The following AKAP13 variants were observed in gnomAD, a reference collection of about 807,000 sequenced individuals.
AKAP13 encodes the protein A-kinase anchoring protein 13.
A neutral mutation model predicts 264.5 loss-of-function variants in AKAP13; 80 were observed. That is an observed-to-expected ratio of 0.30 (90% CI 0.25 to 0.36). The LOEUF is 0.36. AKAP13 is among the 10% of genes least tolerant of loss of function. AKAP13 has a pLI of 1.00. For missense variants in AKAP13, 3,712 were observed against 3,435.2 expected (o/e 1.08, Z -2.01); for synonymous variants, 1,380 against 1,250.2 (o/e 1.10, Z -2.19).
At chr15:85,553,390 A>G (rs2078033310) in intron 5 of AKAP13, among the ~76,000 whole-genome samples, 1 of 152,146 alleles carries the variant, frequency 6.6e-6, no homozygotes, top group East Asian at 1.9e-4. Context: ...GCCTGGCCTA[A>G]CATCTGTAAT....
chr15:85,707,977 G>A (rs2086406246), intron 17 of AKAP13, 42 bp from the exon 18 acceptor site: 1 of 1,604,930 alleles, frequency 6.2e-7, no homozygotes, highest in Non-Finnish European at 8.5e-7. Flanking sequence ...TCTGGGATCT[G>A]TTTGCTTTGT....
At chr15:85,420,973 T>C (rs923944706) in intron 1 of AKAP13, among the ~76,000 whole-genome samples, 36 of 152,152 alleles carry the variant, frequency 2.4e-4, no homozygotes, top group African/African-American at 8.4e-4. Flanking sequence ...TTCCTAGTTA[T>C]AGATTAGGAC....
chr15:85,736,912 CTTTTTTTTT>C (rs11407996), intron 33 of AKAP13, among the ~76,000 whole-genome samples: 1 of 98,044 alleles, frequency 1.0e-5, no homozygotes, highest in Non-Finnish European at 1.9e-5. Context: ...ATATCATCAT[CTTTTTTTTT>C]TTTTTTTTTT....
chr15:85,431,713 C>T (rs1183773305), intron 1 of AKAP13, among the ~76,000 whole-genome samples: 2 of 152,042 alleles, frequency 1.3e-5, no homozygotes, highest in Admixed American at 1.3e-4. Flanking sequence ...AAGTAAAAAT[C>T]CTAAATTCTG....
chr15:85,720,644 AT>A (rs1213931384), intron 23 of AKAP13, among the ~76,000 whole-genome samples: 1 of 152,188 alleles, frequency 6.6e-6, no homozygotes, highest in Non-Finnish European at 1.5e-5. Flanking sequence ...AAAGATGCAA[AT>A]TCCCCAAAGA....
Position 85,579,941 on chromosome 15 carries a change from C to T in AKAP13, c.1873C>T (p.Leu625=). The change falls in exon 7 of 37, where the codon CTG becomes TTG. Residue 625 remains leucine, a synonymous_variant. Coordinates refer to ENST00000394518, the MANE Select transcript of AKAP13 (RefSeq NM_007200.5). ...MSPSDLALLG[L]EEDVMPHQNS... is the part of the protein sequence containing the mutation. The stretch of plus-strand genomic sequence containing the variant: ...ACCCTCAGATTTAGCCCTTCTTGGG[C>T]TGGAAGAAGATGTAATGCCACACCA... The T allele has an allele frequency of 6.2e-7, 1 of 1,614,164 alleles. No homozygotes were observed. The highest frequency in any genetic ancestry group is 8.5e-7 in the Non-Finnish European group (1 of 1,180,010).
At chr15:85,658,064 C>A (rs2083180954) in intron 11 of AKAP13, among the ~76,000 whole-genome samples, 1 of 152,060 alleles carries the variant, frequency 6.6e-6, no homozygotes, top group South Asian at 2.1e-4. Flanking sequence ...TCTTTTCATC[C>A]TGCATAATGT....
chr15:85,643,030 A>C lies in AKAP13; in HGVS notation c.4238-2788A>C, dbSNP rs1293469601. Among the ~76,000 whole-genome samples, 3 of 127,870 alleles carry C rather than the reference A, an allele frequency of 2.3e-5. No individual in the cohort carries two copies. The East Asian group carries it at 8.3e-4, about 35-fold the overall frequency. The allele number at this position is 127,870 out of a possible 152,430, so 83.9% of individuals were successfully genotyped here. On this transcript the variant is annotated intron_variant, in intron 9 of 36. Coordinates refer to ENST00000394518, the MANE Select transcript of AKAP13 (RefSeq NM_007200.5). ...TACTCTAGGAAACGTGAAAAAAAAA[A>C]AACCTCCAGAATACCCATAGTTTCC...
At chr15:85,575,950 C>T (rs1026724) in intron 6 of AKAP13, among the ~76,000 whole-genome samples, 93,636 of 152,100 alleles carry the variant, frequency 0.62, 28,996 homozygotes, top group Middle Eastern at 0.72. Context: ...GACACCACTG[C>T]ACTCCTGCCG....
chr15:85,508,142 A>ATT (rs79249227), intron 2 of AKAP13, among the ~76,000 whole-genome samples: 164 of 137,958 alleles, frequency 1.2e-3, no homozygotes, highest in African/African-American at 4.0e-3. Flanking sequence ...ACTTTGTGTA[A>ATT]TTTTTTTTTT....
Position 85,392,460 on chromosome 15 carries a change from G to A in AKAP13, c.-12+11662G>A, listed in dbSNP as rs192549188. Among the ~76,000 whole-genome samples, 24 of 151,804 alleles carry A rather than the reference G, an allele frequency of 1.6e-4. No individual in the cohort carries two copies. In the South Asian group the frequency reaches 2.1e-3, roughly 13 times the overall value. On this transcript the variant is annotated intron_variant, in intron 1 of 36. Coordinates refer to ENST00000394518, the MANE Select transcript of AKAP13 (RefSeq NM_007200.5). The stretch of plus-strand genomic sequence containing the variant: ...AGTAGAGACAGGGTTTCACCATGTT[G>A]GCCAGTATGGTCTTGATCTCCTGAC...
At chr15:85,729,947 AAAAAACAAAAAC>A (rs898256752) in intron 29 of AKAP13, among the ~76,000 whole-genome samples, 2 of 151,564 alleles carry the variant, frequency 1.3e-5, no homozygotes, top group African/African-American at 4.8e-5. Context: ...TTTCCGTCTC[AAAAAACAAAAAC>A]AAAAACAAAA....
chr15:85,682,753 T>G (rs527721348), intron 15 of AKAP13, among the ~76,000 whole-genome samples: 1 of 152,212 alleles, frequency 6.6e-6, no homozygotes, highest in African/African-American at 2.4e-5. Context: ...CTGCAACCTC[T>G]GCCTCCCAGG....
In AKAP13 at chr15:85,474,248, T is replaced by A. The variant is rs192796882; in HGVS notation, c.-11-11462T>A. Among the ~76,000 whole-genome samples the A allele has an allele frequency of 1.0e-3, 154 of 152,356 alleles. 1 individual carries two copies. The highest frequency in any genetic ancestry group is 2.6e-3 in the Admixed American group (40 of 15,308). On this transcript the variant is annotated intron_variant, in intron 1 of 36. Coordinates refer to ENST00000394518, the MANE Select transcript of AKAP13 (RefSeq NM_007200.5). ...GCTCATAAGCCCATTATTTTCGTAGTTTAAAACATATATTCCTGATTCCTT... is the reference window on the plus strand; with the variant it reads ...GCTCATAAGCCCATTATTTTCGTAGATTAAAACATATATTCCTGATTCCTT...
At chr15:85,615,380 A>AGTAGACCT (rs746777833) in intron 8 of AKAP13, among the ~76,000 whole-genome samples, 6 of 152,210 alleles carry the variant, frequency 3.9e-5, no homozygotes, top group Non-Finnish European at 7.3e-5. Context: ...AGGAGGGAAC[A>AGTAGACCT]GTAGACCTGC....
At chr15:85,426,819 A>G (rs1271388425) in intron 1 of AKAP13, among the ~76,000 whole-genome samples, 1 of 152,190 alleles carries the variant, frequency 6.6e-6, no homozygotes, top group Non-Finnish European at 1.5e-5. Context: ...CCTTTCCTTC[A>G]TAAACATCTC....
chr15:85,438,549 A>G (rs1259584892), intron 1 of AKAP13, among the ~76,000 whole-genome samples: 3 of 146,362 alleles, frequency 2.0e-5, no homozygotes, highest in South Asian at 2.2e-4. Context: ...GAGGCATCAC[A>G]CTACCTGACT....
intron 2 of AKAP13, among the ~76,000 whole-genome samples, chr15:85,505,188 TTC>T (rs2076178146): frequency 6.6e-6 from 1 of 152,242 alleles, no homozygotes; most frequent in South Asian, 2.1e-4. Flanking sequence ...TTAATTTCTT[TTC>T]TGTCTGAAAT....
chr15:85,395,130 G>A (rs1250756057), intron 1 of AKAP13, among the ~76,000 whole-genome samples: 2 of 152,162 alleles, frequency 1.3e-5, no homozygotes, highest in African/African-American at 4.8e-5. Flanking sequence ...AAGAATCTTT[G>A]TGTAGATAAC....
Sources: allele counts gnomAD v4.1 joint callset (sites outside exome capture counted in the v4.1 genomes callset), GRCh38; gene constraint gnomAD v4.1.1; transcripts MANE v1.5; gene names NCBI Gene and HGNC (gene_info 2026-07-23, HGNC 2026-07-21).